KCTD3: variants seen among roughly 807,000 people sequenced by gnomAD.
The protein encoded by KCTD3 is potassium channel tetramerization domain containing 3.
In KCTD3, 41 loss-of-function variants were observed where a neutral mutation model predicts 85.8. The observed-to-expected ratio is 0.48, with a 90% CI of 0.37 to 0.62. The LOEUF is 0.62. Among genes scored for constraint, KCTD3 ranks in the 20% least tolerant of loss-of-function variants. The pLI, the probability that KCTD3 is intolerant of heterozygous loss-of-function variation, is 0.00. For synonymous variants in KCTD3, 338 were observed against 345.4 expected (o/e 0.98, Z 0.24); for missense variants, 724 against 989.9 (o/e 0.73, Z 3.60).
In KCTD3 at chr1:215,589,454, T is replaced by C. The variant is rs187034530; in HGVS notation, c.817+2769T>C. On this transcript the variant is annotated intron_variant, in intron 9 of 17. Coordinates refer to ENST00000259154, the MANE Select transcript of KCTD3 (RefSeq NM_016121.5). ...CTGTGCCTGGCCAATTTCTTTTTGTTTAAACTCTTGGGTATTCAGTCTCAG... is the reference window on the plus strand; with the variant it reads ...CTGTGCCTGGCCAATTTCTTTTTGTCTAAACTCTTGGGTATTCAGTCTCAG... 3.9e-5 allele frequency among the ~76,000 whole-genome samples: 6 copies of C among 152,248 alleles called. No individual in the cohort carries two copies. The East Asian group carries it at 1.2e-3, about 29-fold the overall frequency.
At chr1:215,573,885 C>A in intron 2 of KCTD3, 46 bp downstream of exon 2, 1 of 1,191,266 alleles carries the variant, frequency 8.4e-7, no homozygotes, top group Non-Finnish European at 1.2e-6. Flanking sequence ...CATTTATTTA[C>A]CAAAATATAA....
At chr1:215,577,892 A>G in intron 5 of KCTD3, 109 bp from the exon 6 acceptor site, 1 of 1,495,110 alleles carries the variant, frequency 6.7e-7, no homozygotes, top group South Asian at 1.3e-5. Flanking sequence ...TGACTTAATT[A>G]AAATTTTCCT....
At chr1:215,618,478 G>A (rs1655538992) in intron 15 of KCTD3, 1 of 167,126 alleles carries the variant, frequency 6.0e-6, no homozygotes. Flanking sequence ...TTTGAAGTAG[G>A]CTGGGATAAC....
chr1:215,578,246 A>T (rs1205128140), intron 6 of KCTD3, among the ~76,000 whole-genome samples, 165 bp downstream of exon 6: 1 of 152,226 alleles, frequency 6.6e-6, no homozygotes, highest in Non-Finnish European at 1.5e-5. Context: ...CACATTATAT[A>T]TTGGAGCAGG....
intron 14 of KCTD3, 45 bp from the exon 15 acceptor site, chr1:215,611,780 A>C (rs1262690155): frequency 7.8e-7 from 1 of 1,280,118 alleles, no homozygotes; most frequent in Admixed American, 2.0e-5. Context: ...ATGAGAAAAA[A>C]TAAAATTTTA....
At chr1:215,602,626 GA>G (rs1654878233) in intron 12 of KCTD3, among the ~76,000 whole-genome samples, 1 of 152,042 alleles carries the variant, frequency 6.6e-6, no homozygotes, top group South Asian at 2.1e-4. Flanking sequence ...TTAAGCTGTA[GA>G]AAAAAGGCAT....
chr1:215,593,886 T>C (rs927474643), intron 9 of KCTD3, among the ~76,000 whole-genome samples: 27 of 145,290 alleles, frequency 1.9e-4, no homozygotes, highest in Admixed American at 8.3e-4. Flanking sequence ...TTTGAGACAG[T>C]GTCTTGCTCT....
chr1:215,608,359 A>G (rs1034045241), intron 14 of KCTD3, among the ~76,000 whole-genome samples, 187 bp downstream of exon 14: 9 of 151,940 alleles, frequency 5.9e-5, no homozygotes, highest in African/African-American at 2.2e-4. Context: ...ATTTTATTGC[A>G]GCGTTTTTCC....
chr1:215,577,238 A>G (rs73085423), intron 4 of KCTD3, among the ~76,000 whole-genome samples: 3,805 of 152,188 alleles, frequency 0.025, 154 homozygotes, highest in African/African-American at 0.085. Flanking sequence ...TAGATCAGAA[A>G]TAGATCATGC....
At chr1:215,603,291 A>G (rs1312957445) in intron 12 of KCTD3, among the ~76,000 whole-genome samples, 1 of 152,170 alleles carries the variant, frequency 6.6e-6, no homozygotes, top group African/African-American at 2.4e-5. Flanking sequence ...GTTTTTCATG[A>G]CATGCTTTTT....
intron 15 of KCTD3, among the ~76,000 whole-genome samples, chr1:215,612,144 T>TA (rs752814681): frequency 6.6e-5 from 10 of 152,314 alleles, no homozygotes; most frequent in South Asian, 4.1e-4. Flanking sequence ...TAGGAGGGAC[T>TA]AGTGATAGAA....
At chr1:215,607,017 A>C (rs1364704448) in intron 13 of KCTD3, among the ~76,000 whole-genome samples, 1 of 152,030 alleles carries the variant, frequency 6.6e-6, no homozygotes, top group Non-Finnish European at 1.5e-5. Context: ...GAAAACTGAC[A>C]GTCTAATAAT....
At chr1:215,598,811 T>G (rs1050358546) in intron 10 of KCTD3, among the ~76,000 whole-genome samples, 2 of 151,664 alleles carry the variant, frequency 1.3e-5, no homozygotes, top group Non-Finnish European at 2.9e-5. Context: ...AAGAGTGAGA[T>G]AGAAAATATG....
intron 13 of KCTD3, among the ~76,000 whole-genome samples, chr1:215,607,227 A>G (rs1655059983): frequency 6.6e-6 from 1 of 151,988 alleles, no homozygotes; most frequent in South Asian, 2.1e-4. Context: ...TGATGAGTTC[A>G]TAGTTCATTG....
intron 14 of KCTD3, among the ~76,000 whole-genome samples, chr1:215,608,533 T>C (rs1655116546): frequency 6.6e-6 from 1 of 151,966 alleles, no homozygotes; most frequent in Non-Finnish European, 1.5e-5. Flanking sequence ...AATTTGAAGC[T>C]AGAAAAACGT....
At chr1:215,587,185 A>G (rs1358239856) in intron 9 of KCTD3, among the ~76,000 whole-genome samples, 2 of 150,264 alleles carry the variant, frequency 1.3e-5, no homozygotes, top group African/African-American at 4.9e-5. Flanking sequence ...GCTGTAGTGC[A>G]ATGGCATGAT....
chr1:215,597,894 T>C (rs936828556), intron 10 of KCTD3, among the ~76,000 whole-genome samples: 1 of 152,062 alleles, frequency 6.6e-6, no homozygotes, highest in Admixed American at 6.6e-5. Flanking sequence ...AGAGAGGGGA[T>C]TGACTTTTCA....
intron 1 of KCTD3, 112 bp downstream of exon 1, chr1:215,567,880 T>A: frequency 1.4e-6 from 1 of 713,826 alleles, no homozygotes; most frequent in Non-Finnish European, 1.9e-6. Context: ...AGGCCAAGCC[T>A]GGAGGGGAAC....
At chr1:215,600,680 T>G (rs901559799) in intron 10 of KCTD3, among the ~76,000 whole-genome samples, 1 of 152,248 alleles carries the variant, frequency 6.6e-6, no homozygotes, top group African/African-American at 2.4e-5. Flanking sequence ...GTTAAGCAGA[T>G]AATGTTTAGA....
Sources: allele counts gnomAD v4.1 joint callset (sites outside exome capture counted in the v4.1 genomes callset), GRCh38; gene constraint gnomAD v4.1.1; transcripts MANE v1.5; gene names NCBI Gene and HGNC (gene_info 2026-07-23, HGNC 2026-07-21).